Variants in MGMT observed in about 807,000 individuals in gnomAD.
MGMT encodes methylated-DNA--protein-cysteine methyltransferase.
In MGMT, 14 loss-of-function variants were observed where a neutral mutation model predicts 15.9. The observed-to-expected ratio is 0.88, with a 90% CI of 0.58 to 1.37. MGMT has a LOEUF of 1.37. MGMT is among the 40% of genes most tolerant of loss of function. The pLI, the probability that MGMT is intolerant of heterozygous loss-of-function variation, is 0.00. For synonymous variants in MGMT, 130 were observed against 118.2 expected, an observed-to-expected ratio of 1.10 and a Z score of -0.65; for missense variants, 282 against 268.1, an observed-to-expected ratio of 1.05 and a Z score of -0.36.
At chr10:129,685,692 G>A (rs546037658) in intron 2 of MGMT, among the ~76,000 whole-genome samples, 8 of 152,268 alleles carry the variant, frequency 5.3e-5, no homozygotes, top group Admixed American at 1.3e-4. Context: ...TCCTGACTCC[G>A]CTTTGAGCTC....
intron 1 of MGMT, among the ~76,000 whole-genome samples, chr10:129,493,574 T>C (rs541000063): frequency 2.0e-5 from 3 of 152,318 alleles, no homozygotes; most frequent in Admixed American, 6.5e-5. Context: ...ATCTTGAAGA[T>C]TTAGAAAAAG....
chr10:129,691,966 G>A (rs756464248), intron 2 of MGMT, among the ~76,000 whole-genome samples: 2 of 152,148 alleles, frequency 1.3e-5, no homozygotes, highest in African/African-American at 2.4e-5. Context: ...TGGTTTTCTC[G>A]TTAATCAAAC....
chr10:129,703,483 T>C (rs1453467242), intron 2 of MGMT, among the ~76,000 whole-genome samples: 1 of 152,140 alleles, frequency 6.6e-6, no homozygotes, highest in Non-Finnish European at 1.5e-5. Flanking sequence ...TCTCCCACAG[T>C]GTACCCTCGC....
chr10:129,539,607 C>G (rs919406895), intron 2 of MGMT, among the ~76,000 whole-genome samples: 3 of 152,026 alleles, frequency 2.0e-5, no homozygotes, highest in Admixed American at 6.6e-5. Context: ...CCTGGGTTCA[C>G]GCCATTCTCC....
chr10:129,629,289 T>C (rs1355944379), intron 2 of MGMT, among the ~76,000 whole-genome samples: 1 of 152,236 alleles, frequency 6.6e-6, no homozygotes, highest in Non-Finnish European at 1.5e-5. Flanking sequence ...TACGGAAATA[T>C]CTGCATGAGT....
At chr10:129,681,127 G>A (rs1408716560) in intron 2 of MGMT, among the ~76,000 whole-genome samples, 2 of 152,172 alleles carry the variant, frequency 1.3e-5, no homozygotes, top group African/African-American at 4.8e-5. Flanking sequence ...GAAGCACCAT[G>A]CAGGCGGCGT....
At chr10:129,616,158 A>G (rs1847023556) in intron 2 of MGMT, among the ~76,000 whole-genome samples, 1 of 152,216 alleles carries the variant, frequency 6.6e-6, no homozygotes, top group Non-Finnish European at 1.5e-5. Flanking sequence ...AAACAAGAGC[A>G]CTGAGCAGAG....
chr10:129,549,167 C>T (rs543792142), intron 2 of MGMT, among the ~76,000 whole-genome samples: 25 of 152,326 alleles, frequency 1.6e-4, no homozygotes, highest in African/African-American at 6.0e-4. Flanking sequence ...GTTCCTCCCT[C>T]AGAATGGTTG....
chr10:129,728,190 A>G (rs1848454990), intron 3 of MGMT, among the ~76,000 whole-genome samples: 1 of 152,178 alleles, frequency 6.6e-6, no homozygotes, highest in African/African-American at 2.4e-5. Flanking sequence ...GTGACCGTGG[A>G]TGGCAGGGAA....
intron 1 of MGMT, among the ~76,000 whole-genome samples, chr10:129,518,195 A>AT (rs1268304898): frequency 1.3e-5 from 2 of 151,792 alleles, no homozygotes; most frequent in Non-Finnish European, 2.9e-5. Context: ...TAGAAAAAAA[A>AT]TTTTTCATCT....
At chr10:129,551,055 A>G (rs34225481) in intron 2 of MGMT, among the ~76,000 whole-genome samples, 24,586 of 152,140 alleles carry the variant, frequency 0.16, 3,029 homozygotes, top group African/African-American at 0.35. Context: ...CCCGTTCCCT[A>G]TCAGAAACCC....
chr10:129,652,182 C>A (rs1847466696), intron 2 of MGMT, among the ~76,000 whole-genome samples: 1 of 152,212 alleles, frequency 6.6e-6, no homozygotes, highest in African/African-American at 2.4e-5. Context: ...AGGTCCCTGG[C>A]TTGCCCTGTG....
chr10:129,658,302 G>A lies in MGMT; in HGVS notation c.126-49593G>A, dbSNP rs140296227. 8.2e-4 allele frequency among the ~76,000 whole-genome samples: 125 copies of A among 152,216 alleles called. 1 individual carries two copies. Among genetic ancestry groups the A allele is most frequent in the East Asian group, 7.4e-3 (38 of 5,164 alleles). On this transcript the variant is annotated intron_variant, in intron 2 of 4. Coordinates refer to ENST00000651593, the MANE Select transcript of MGMT (RefSeq NM_002412.5). ...CTATTATTGACTAATGACGAACAGC[G>A]TCGCCTTGCCTTGCCACCTTAAAAC...
chr10:129,572,654 G>A (rs559558224), intron 2 of MGMT, among the ~76,000 whole-genome samples: 5 of 152,196 alleles, frequency 3.3e-5, no homozygotes, highest in Non-Finnish European at 7.3e-5. Context: ...AATTAATTCA[G>A]AAATCTTTCC....
chr10:129,607,324 CA>C (rs1420030733), intron 2 of MGMT, among the ~76,000 whole-genome samples: 11 of 151,576 alleles, frequency 7.3e-5, no homozygotes, highest in Non-Finnish European at 1.3e-4. Context: ...TGTCGGATAA[CA>C]TTTTAACTTA....
intron 3 of MGMT, among the ~76,000 whole-genome samples, chr10:129,748,878 G>A (rs1848723893): frequency 6.6e-6 from 1 of 152,136 alleles, no homozygotes; most frequent in Non-Finnish European, 1.5e-5. Context: ...TTCAAGCCCA[G>A]TATACATATA....
intron 3 of MGMT, among the ~76,000 whole-genome samples, chr10:129,733,541 T>G (rs1212839375): frequency 1.3e-5 from 2 of 151,330 alleles, no homozygotes; most frequent in Admixed American, 1.3e-4. Flanking sequence ...TTTCTTTTGC[T>G]GTGCAGAAGC....
intron 2 of MGMT, among the ~76,000 whole-genome samples, chr10:129,688,244 TAG>T (rs1442490180): frequency 6.6e-6 from 1 of 152,222 alleles, no homozygotes; most frequent in Non-Finnish European, 1.5e-5. Context: ...TTTCTAGTTC[TAG>T]ATCCTTGAGG....
chr10:129,607,302 T>C (rs1846903613), intron 2 of MGMT, among the ~76,000 whole-genome samples: 1 of 152,128 alleles, frequency 6.6e-6, no homozygotes, highest in Admixed American at 6.5e-5. Flanking sequence ...AGAGTGGTTT[T>C]GGAAGATGGA....
Sources: allele counts gnomAD v4.1 joint callset (sites outside exome capture counted in the v4.1 genomes callset), GRCh38; gene constraint gnomAD v4.1.1; transcripts MANE v1.5; gene names NCBI Gene and HGNC (gene_info 2026-07-23, HGNC 2026-07-21).